The following ERBB4 variants were observed in gnomAD, a reference collection of about 807,000 sequenced individuals.
ERBB4 encodes receptor tyrosine-protein kinase erbB-4.
ERBB4 carries 42 observed loss-of-function variants against 158.0 expected under a neutral mutation model. The observed-to-expected ratio is 0.27, with a 90% CI of 0.21 to 0.34. ERBB4 has a LOEUF of 0.34. Among genes scored for constraint, ERBB4 ranks in the 10% least tolerant of loss-of-function variants. The pLI, the probability that ERBB4 is intolerant of heterozygous loss-of-function variation, is 1.00. For missense variants in ERBB4, 1,333 were observed against 1,624.1 expected (o/e 0.82, Z 3.08); for synonymous variants, 583 against 558.7 (o/e 1.04, Z -0.61).
rs1043857977 is a variant in ERBB4, at chr2:211,382,888, A to T, written c.*727T>A. ...AAATTCTGTGAAGAAGCTTTGATGTAAACATCTTTGCAATTAGAAATTAAA... is the reference window on the plus strand; with the variant it reads ...AAATTCTGTGAAGAAGCTTTGATGTTAACATCTTTGCAATTAGAAATTAAA... On this transcript the variant is annotated 3_prime_UTR_variant, in exon 28 of 28. Transcript: ENST00000342788. 3 of 232,666 alleles carry T rather than the reference A, an allele frequency of 1.3e-5. No homozygotes were observed. The highest frequency in any genetic ancestry group is 6.6e-5 in the African/African-American group (3 of 45,336). 14.4% of individuals were successfully genotyped at this position (232,666 alleles called of 1,614,324 possible). A position where few individuals can be genotyped will look rare whatever the true frequency, so the allele number is the denominator to read the frequency against.
At chr2:212,302,505 G>A (rs1401361076) in intron 1 of ERBB4, among the ~76,000 whole-genome samples, 1 of 151,302 alleles carries the variant, frequency 6.6e-6, no homozygotes, top group Non-Finnish European at 1.5e-5. Flanking sequence ...TCAAAATAAG[G>A]GGTGAATTAG....
intron 4 of ERBB4, among the ~76,000 whole-genome samples, chr2:211,772,904 T>A (rs1428863732): frequency 1.9e-5 from 1 of 53,208 alleles, no homozygotes; most frequent in South Asian, 1.0e-3. Flanking sequence ...CACACATATA[T>A]ATATACACAC....
rs142936761 is a variant in ERBB4, at chr2:211,442,469, C to G, written c.2488-11369G>C. Among the ~76,000 whole-genome samples, 338 of 152,158 alleles carry G rather than the reference C, an allele frequency of 2.2e-3. 2 individuals are homozygous for G. Among genetic ancestry groups the G allele is most frequent in the African/African-American group, 7.7e-3 (318 of 41,540 alleles). ...ATTATCAAGCATTATTTTAAAAAAG[C>G]TTTTTGGATTTGCAGCTAAATCAAA... On this transcript the variant is annotated intron_variant, in intron 20 of 27. Transcript: ENST00000342788.
chr2:211,949,824 C>T (rs2080825532), intron 2 of ERBB4, among the ~76,000 whole-genome samples: 1 of 152,194 alleles, frequency 6.6e-6, no homozygotes, highest in South Asian at 2.1e-4. Context: ...GTAGCCCCTA[C>T]ACTTTTACCT....
intron 16 of ERBB4, among the ~76,000 whole-genome samples, chr2:211,656,497 A>C (rs764166701): frequency 2.6e-5 from 4 of 152,240 alleles, no homozygotes; most frequent in Non-Finnish European, 5.9e-5. Context: ...AGGTTGATTG[A>C]AGTATAATTT....
chr2:212,348,500 A>C (rs899560719), intron 1 of ERBB4, among the ~76,000 whole-genome samples: 4 of 152,206 alleles, frequency 2.6e-5, no homozygotes, highest in African/African-American at 4.8e-5. Flanking sequence ...ATCAAAAAAG[A>C]AAATAAACTA....
In ERBB4 at chr2:211,843,310, C is replaced by G. The variant is rs141133965; in HGVS notation, c.422-55151G>C. ...ATATTGGGTGAAGACAAATAATGTT[C>G]CAAAAAAGCCAGTCTAAATAAGAAG... On this transcript the variant is annotated intron_variant, in intron 3 of 27. Transcript: ENST00000342788. 1.1e-3 allele frequency among the ~76,000 whole-genome samples: 170 copies of G among 152,158 alleles called. 2 individuals carry two copies. The highest frequency in any genetic ancestry group is 3.6e-3 in the African/African-American group (150 of 41,534).
intron 2 of ERBB4, among the ~76,000 whole-genome samples, chr2:212,086,278 C>T (rs767989830): frequency 6.6e-6 from 1 of 150,822 alleles, no homozygotes; most frequent in Admixed American, 6.6e-5. Context: ...GCAGGAAATA[C>T]GAATGATAGA....
intron 25 of ERBB4, among the ~76,000 whole-genome samples, chr2:211,410,198 C>G (rs1247145765): frequency 1.3e-5 from 2 of 152,140 alleles, no homozygotes; most frequent in Non-Finnish European, 1.5e-5. Flanking sequence ...GAGTGTGGGA[C>G]TTTATACGCA....
intron 1 of ERBB4, among the ~76,000 whole-genome samples, chr2:212,209,835 T>C (rs12475565): frequency 0.18 from 27,647 of 152,096 alleles, 2,794 homozygotes; most frequent in South Asian, 0.44. Flanking sequence ...AAGAGTTTCA[T>C]TGGGCAATAT....
intron 3 of ERBB4, among the ~76,000 whole-genome samples, chr2:211,833,462 ACAAAAGAT>A: frequency 6.6e-6 from 1 of 152,170 alleles, no homozygotes; most frequent in South Asian, 2.1e-4. Context: ...AGGCATAATT[ACAAAAGAT>A]TCCCATACTC....
At chr2:211,542,717 T>A (rs1348248342) in intron 20 of ERBB4, among the ~76,000 whole-genome samples, 2 of 151,918 alleles carry the variant, frequency 1.3e-5, no homozygotes, top group Non-Finnish European at 2.9e-5. Context: ...AATCTCCCAT[T>A]ATATTTAAAA....
At chr2:211,488,394 A>C (rs1283513648) in intron 20 of ERBB4, among the ~76,000 whole-genome samples, 1 of 152,094 alleles carries the variant, frequency 6.6e-6, no homozygotes, top group African/African-American at 2.4e-5. Flanking sequence ...TTTAAGCTTC[A>C]TGAGGATGGA....
At position 211,606,422 on chromosome 2, in the gene ERBB4, T is replaced by C. The variant is rs572759342; in HGVS notation, c.2301+12755A>G. Among the ~76,000 whole-genome samples, 3 of 138,450 alleles carry C rather than the reference T, an allele frequency of 2.2e-5. No individual in the cohort carries two copies. The South Asian group carries it at 7.4e-4, about 34-fold the overall frequency. 90.8% of individuals were successfully genotyped at this position (138,450 alleles called of 152,430 possible). A position where few individuals can be genotyped will look rare whatever the true frequency, so the allele number is the denominator to read the frequency against. The stretch of plus-strand genomic sequence containing the variant: ...AAATAAAGGAAATGTGGATTTGAAA[T>C]AGAAAAGGAATATGGATTTGGAAAA... On this transcript the variant is annotated intron_variant, in intron 19 of 27. Transcript: ENST00000342788.
At chr2:212,146,897 T>C (rs555668957) in intron 1 of ERBB4, among the ~76,000 whole-genome samples, 1 of 150,736 alleles carries the variant, frequency 6.6e-6, no homozygotes, top group South Asian at 2.1e-4. Flanking sequence ...TTGGTTAAAA[T>C]AGGGTAAAAC....
At chr2:211,632,148 T>A (rs2070164531) in intron 16 of ERBB4, among the ~76,000 whole-genome samples, 1 of 152,060 alleles carries the variant, frequency 6.6e-6, no homozygotes, top group Non-Finnish European at 1.5e-5. Context: ...TATACTGAAA[T>A]GTTGCTATAA....
chr2:211,616,307 T>G (rs1418954108), intron 19 of ERBB4, among the ~76,000 whole-genome samples: 2 of 152,102 alleles, frequency 1.3e-5, no homozygotes, highest in African/African-American at 4.8e-5. Flanking sequence ...GCTAGCTTTA[T>G]TAGTTCTCCT....
At chr2:211,843,889 A>T (rs1041460570) in intron 3 of ERBB4, among the ~76,000 whole-genome samples, 1 of 152,118 alleles carries the variant, frequency 6.6e-6, no homozygotes, top group Admixed American at 6.6e-5. Flanking sequence ...CTTTCTTAAT[A>T]ATATTTACAG....
chr2:212,103,648 T>C (rs972858230), intron 2 of ERBB4, among the ~76,000 whole-genome samples: 19 of 151,886 alleles, frequency 1.3e-4, no homozygotes, highest in East Asian at 3.9e-4. Context: ...CTCAGTTGCA[T>C]AGGGAATGGA....
Sources: allele counts gnomAD v4.1 joint callset (sites outside exome capture counted in the v4.1 genomes callset), GRCh38; gene constraint gnomAD v4.1.1; transcripts MANE v1.5; gene names NCBI Gene and HGNC (gene_info 2026-07-23, HGNC 2026-07-21).